The following ARHGAP29 variants were observed in gnomAD, a reference collection of about 807,000 sequenced individuals.
The protein encoded by ARHGAP29 is Rho GTPase activating protein 29.
In ARHGAP29, 43 loss-of-function variants were observed where a neutral mutation model predicts 122.6. That is an observed-to-expected ratio of 0.35 (90% CI 0.27 to 0.45). The LOEUF is 0.45. Ranked by LOEUF, ARHGAP29 falls within the 20% of genes least tolerant of loss-of-function variation. The pLI is 1.00. For missense variants in ARHGAP29, 1,303 were observed against 1,477.2 expected (o/e 0.88, Z 1.93); for synonymous variants, 506 against 497.1 (o/e 1.02, Z -0.24).
chr1:94,189,923 C>T lies in ARHGAP29; in HGVS notation c.1439+3G>A, dbSNP rs779315914. The T allele has an allele frequency of 6.2e-7, 1 of 1,612,518 alleles. No individual in the cohort carries two copies. The highest frequency in any genetic ancestry group is 1.1e-5 in the South Asian group (1 of 90,942). ...ATAATTTTGTCTGTACATTAATTCT[C>T]ACCCATCAACTTTTTCTTCTTCAGT... On this transcript the variant is annotated splice_donor_region_variant and intron_variant, in intron 13 of 22. Coordinates refer to ENST00000260526, the MANE Select transcript of ARHGAP29 (RefSeq NM_004815.4).
In ARHGAP29 at chr1:94,231,438, CAT is replaced by C. The variant is rs763528337; in HGVS notation, c.172_173del (p.Met58ValfsTer14). 4 of 1,613,538 alleles carry C rather than the reference CAT, an allele frequency of 2.5e-6. No homozygotes were observed. Among genetic ancestry groups the C allele is most frequent in the Non-Finnish European group, 3.4e-6 (4 of 1,179,594 alleles). The stretch of plus-strand genomic sequence containing the variant: ...ATATGGCTTCTTTCAAATATAGTAA[CAT>C]GTGGGAGAACTTCCTGATATCATTC... The part of the protein sequence containing the change: ...LVNDIRKFSH[M>X]LLYLKEAIFS... On this transcript the variant is annotated frameshift_variant, in exon 2 of 23. Transcript: ENST00000260526. LOFTEE classifies it high-confidence loss of function.
At chr1:94,194,218 G>T (rs1650303818) in intron 12 of ARHGAP29, 1 of 152,026 alleles carries the variant, frequency 6.6e-6, no homozygotes, top group South Asian at 2.1e-4. Context: ...TAAAACTCTG[G>T]AAGCCACATT....
upstream of ARHGAP29, among the ~76,000 whole-genome samples, chr1:94,241,176 AC>A (rs2100675821): frequency 6.6e-6 from 1 of 152,322 alleles, no homozygotes; most frequent in South Asian, 2.1e-4. Flanking sequence ...AAACTATAAG[AC>A]CTAAGAACTT....
upstream of ARHGAP29, among the ~76,000 whole-genome samples, chr1:94,279,183 C>A (rs1036861063): frequency 6.6e-6 from 1 of 152,186 alleles, no homozygotes; most frequent in Non-Finnish European, 1.5e-5. Context: ...TGGTTCCCAA[C>A]AAGCAGCTGT....
intron 1 of ARHGAP29, among the ~76,000 whole-genome samples, chr1:94,258,400 A>T (rs893158681): frequency 2.0e-5 from 3 of 152,226 alleles, no homozygotes; most frequent in Non-Finnish European, 2.9e-5. Context: ...CCAAATTTTT[A>T]AAATTGTCCA....
At chr1:94,249,745 C>T (rs1368388931) in intron 1 of ARHGAP29, among the ~76,000 whole-genome samples, 1 of 150,852 alleles carries the variant, frequency 6.6e-6, no homozygotes, top group Non-Finnish European at 1.5e-5. Flanking sequence ...GAGTGAAACT[C>T]CATCTCAAAA....
intron 1 of ARHGAP29, among the ~76,000 whole-genome samples, chr1:94,257,669 A>T (rs767243958): frequency 6.6e-6 from 1 of 152,130 alleles, no homozygotes; most frequent in Admixed American, 6.5e-5. Flanking sequence ...TGATTGTTCC[A>T]CTGCACTCTA....
At chr1:94,213,328 C>T (rs574713524) in intron 3 of ARHGAP29, among the ~76,000 whole-genome samples, 13 of 152,250 alleles carry the variant, frequency 8.5e-5, no homozygotes, top group South Asian at 4.1e-4. Flanking sequence ...TACAGGCACC[C>T]GCCACCAGGC....
chr1:94,313,976 G>A, the ARHGAP29 span, among the ~76,000 whole-genome samples: 5 of 152,158 alleles, frequency 3.3e-5, no homozygotes, highest in African/African-American at 4.8e-5. Flanking sequence ...GGCCTGTCGG[G>A]GGGTGGGGAG....
intron 3 of ARHGAP29, among the ~76,000 whole-genome samples, chr1:94,211,446 C>A (rs914991664): frequency 6.6e-6 from 1 of 151,916 alleles, no homozygotes; most frequent in African/African-American, 2.4e-5. Context: ...ACTGACAGAA[C>A]GCGTAGATGG....
In ARHGAP29 at chr1:94,188,867, T is replaced by C; in HGVS notation, c.1651A>G (p.Arg551Gly). The C allele has an allele frequency of 6.2e-7, 1 of 1,613,170 alleles. No homozygotes were observed. The change falls in exon 15 of 23, where the codon AGA becomes GGA. Residue 551 changes from arginine (R) to glycine (G), a missense_variant. By Grantham distance (125) the Arg-to-Gly change is moderately radical. This residue lies in a region of ARHGAP29 where 592 missense variants were observed against 648.2 expected (regional missense o/e 0.91). Transcript: ENST00000260526. ...SESTGGSSES[R>G]SLDSESISPG... ...CTTATAGATTCTGAATCCAGAGATC[T>C]AGATTCGCTGCTCCCTCCAGTGCTC... is the stretch of plus-strand genomic sequence containing the variant.
intron 12 of ARHGAP29, chr1:94,194,896 C>T (rs879908259): frequency 3.3e-5 from 5 of 152,150 alleles, no homozygotes; most frequent in African/African-American, 4.8e-5. Context: ...AACAATCAAA[C>T]ACATTTTTTC....
At chr1:94,186,769 G>A (rs1649830353) in intron 15 of ARHGAP29, among the ~76,000 whole-genome samples, 172 bp from the exon 16 acceptor site, 1 of 152,024 alleles carries the variant, frequency 6.6e-6, no homozygotes. Flanking sequence ...TCATTCCTGG[G>A]AACAAAAAGA....
the ARHGAP29 span, among the ~76,000 whole-genome samples, chr1:94,290,575 C>T: frequency 6.6e-6 from 1 of 152,130 alleles, no homozygotes; most frequent in Non-Finnish European, 1.5e-5. Flanking sequence ...TATAAATTTC[C>T]CTCTATACAC....
chr1:94,287,948 TC>T, the ARHGAP29 span, among the ~76,000 whole-genome samples: 1 of 152,180 alleles, frequency 6.6e-6, no homozygotes, highest in Non-Finnish European at 1.5e-5. Flanking sequence ...TTGTGAATAG[TC>T]CCGCAATAAA....
At chr1:94,205,260 A>C (rs933776435) in intron 6 of ARHGAP29, 62 bp from the exon 7 acceptor site, 14 of 1,301,752 alleles carry the variant, frequency 1.1e-5, no homozygotes, top group Non-Finnish European at 1.4e-5. Flanking sequence ...ACTCCAAACA[A>C]AGAAGCACTG....
rs745412867 is a variant in ARHGAP29 at position 94,205,203 on chromosome 1, A to G, written c.560-5T>C. 3 of 1,572,328 alleles carry G rather than the reference A, an allele frequency of 1.9e-6. No homozygotes were observed. The highest frequency in any genetic ancestry group is 1.4e-5 in the African/African-American group (1 of 72,562). ...GTTCTAAAGGGGAAAAATTTCCTGA[A>G]AACAAAAATATCAAGGTAAGTATAT... On this transcript the variant is annotated splice_region_variant and splice_polypyrimidine_tract_variant and intron_variant, in intron 6 of 22. Transcript: ENST00000260526.
At chr1:94,219,142 C>A (rs899490418) in intron 3 of ARHGAP29, among the ~76,000 whole-genome samples, 3 of 152,146 alleles carry the variant, frequency 2.0e-5, no homozygotes, top group Admixed American at 1.3e-4. Flanking sequence ...ATTGCTGTTA[C>A]CTTGTCTGTC....
At chr1:94,238,046 T>C (rs1653411473), upstream of ARHGAP29, among the ~76,000 whole-genome samples, 1 of 144,986 alleles carries the variant, frequency 6.9e-6, no homozygotes, top group Non-Finnish European at 1.5e-5. Flanking sequence ...CACTTAGGCC[T>C]ATCTGTATTT....
Sources: gnomAD v4.1 joint callset for allele counts (sites outside exome capture counted in the v4.1 genomes callset) on GRCh38, gnomAD v4.1.1 for gene constraint, gnomAD v4.1.1 regional missense constraint, MANE v1.5 for transcripts, NCBI Gene and HGNC (gene_info 2026-07-23, HGNC 2026-07-21) for gene names.